The following SMOC1 variants were observed in gnomAD, a reference collection of about 807,000 sequenced individuals.
The protein encoded by SMOC1 is SPARC related modular calcium binding 1, also known as SPARC-related modular calcium-binding protein 1.
In SMOC1, 22 loss-of-function variants were observed where a neutral mutation model predicts 56.3. That is an observed-to-expected ratio of 0.39 (90% CI 0.28 to 0.56). The LOEUF is 0.56. Among genes scored for constraint, SMOC1 ranks in the 20% least tolerant of loss-of-function variants. The pLI is 0.61. For synonymous variants in SMOC1, 193 were observed against 215.0 expected (o/e 0.90, Z 0.89); for missense variants, 509 against 565.4 (o/e 0.90, Z 1.01).
intron 1 of SMOC1, among the ~76,000 whole-genome samples, chr14:69,883,898 T>TTTTC (rs1341587642): frequency 1.1e-4 from 12 of 112,838 alleles, no homozygotes; most frequent in African/African-American, 1.3e-4. Context: ...CATTTTTTTT[T>TTTTC]TTTTTTTTTT....
At chr14:69,951,629 T>C (rs1882998150) in intron 1 of SMOC1, among the ~76,000 whole-genome samples, 1 of 152,198 alleles carries the variant, frequency 6.6e-6, no homozygotes, top group East Asian at 1.9e-4. Context: ...TTTCCCGAGA[T>C]GGAATTTGGA....
At chr14:70,028,568 A>G (rs900261123) in intron 11 of SMOC1, among the ~76,000 whole-genome samples, 12 of 152,254 alleles carry the variant, frequency 7.9e-5, no homozygotes, top group African/African-American at 2.9e-4. Context: ...ATAAGCCTCC[A>G]TGAAAAAGAG....
chr14:69,907,614 C>T (rs886869619), intron 1 of SMOC1, among the ~76,000 whole-genome samples: 3 of 152,034 alleles, frequency 2.0e-5, no homozygotes, highest in East Asian at 3.9e-4. Context: ...TCTCATTAGC[C>T]GACATTCGGT....
chr14:69,924,133 T>A (rs1278995570), intron 1 of SMOC1, among the ~76,000 whole-genome samples: 1 of 152,210 alleles, frequency 6.6e-6, no homozygotes, highest in African/African-American at 2.4e-5. Flanking sequence ...TCCCACAGAC[T>A]TTCCTGTCTC....
At chr14:69,912,080 A>G (rs1594798034) in intron 1 of SMOC1, among the ~76,000 whole-genome samples, 1 of 152,160 alleles carries the variant, frequency 6.6e-6, no homozygotes, top group African/African-American at 2.4e-5. Flanking sequence ...GTGGTATCTC[A>G]TTATGATTTT....
intron 1 of SMOC1, among the ~76,000 whole-genome samples, chr14:69,947,301 C>G (rs7150074): frequency 0.084 from 12,771 of 152,144 alleles, 1,878 homozygotes; most frequent in African/African-American, 0.29. Context: ...TCCCAAGTAA[C>G]TAGGGCCATG....
At chr14:69,920,143 A>T (rs767445094) in intron 1 of SMOC1, among the ~76,000 whole-genome samples, 7 of 152,164 alleles carry the variant, frequency 4.6e-5, no homozygotes, top group Non-Finnish European at 1.5e-5. Flanking sequence ...GAAGGACAGC[A>T]TGTGCCCCTG....
intron 3 of SMOC1, among the ~76,000 whole-genome samples, chr14:69,968,943 T>C (rs984138917): frequency 6.6e-6 from 1 of 152,192 alleles, no homozygotes; most frequent in Non-Finnish European, 1.5e-5. Flanking sequence ...GTGCCTTCCA[T>C]GGGATCCCAG....
At chr14:69,974,099 A>G (rs1441197737) in intron 3 of SMOC1, among the ~76,000 whole-genome samples, 1 of 152,228 alleles carries the variant, frequency 6.6e-6, no homozygotes, top group Non-Finnish European at 1.5e-5. Flanking sequence ...CAACCCATCA[A>G]TCACCTACAA....
chr14:69,981,559 G>A (rs1469231328), intron 5 of SMOC1, among the ~76,000 whole-genome samples: 2 of 152,248 alleles, frequency 1.3e-5, no homozygotes, highest in East Asian at 1.9e-4. Flanking sequence ...CGGTGCACAT[G>A]TGCATTCACA....
chr14:69,903,786 G>C (rs1884331289), intron 1 of SMOC1, among the ~76,000 whole-genome samples: 1 of 151,892 alleles, frequency 6.6e-6, no homozygotes, highest in Admixed American at 6.6e-5. Context: ...AGGGTCCTCT[G>C]CCTAGGAAAA....
At chr14:69,905,375 T>C (rs1327865590) in intron 1 of SMOC1, among the ~76,000 whole-genome samples, 1 of 151,854 alleles carries the variant, frequency 6.6e-6, no homozygotes, top group Non-Finnish European at 1.5e-5. Flanking sequence ...GTGATGTAGG[T>C]TGATTGTGAG....
intron 1 of SMOC1, among the ~76,000 whole-genome samples, chr14:69,910,247 A>T (rs1003225830): frequency 4.6e-5 from 7 of 152,226 alleles, no homozygotes; most frequent in African/African-American, 1.7e-4. Context: ...GAGCAAACCG[A>T]GGTGCAGAGA....
Position 70,030,408 on chromosome 14 carries a change from C to T in SMOC1, c.*150C>T, listed in dbSNP as rs574982474. 1.4e-5 allele frequency: 13 copies of T among 954,474 alleles called. No homozygotes were observed. The South Asian group carries it at 1.5e-4, about 11-fold the overall frequency. 59.1% of individuals were successfully genotyped at this position (954,474 alleles called of 1,614,324 possible). On this transcript the variant is annotated 3_prime_UTR_variant, in exon 12 of 12. Transcript: ENST00000361956. ...TTGCACTTTTAATAACTCTTACTTGCGTGTTTTGTTTTTGGTTTCATTTTA... is the reference window on the plus strand; with the variant it reads ...TTGCACTTTTAATAACTCTTACTTGTGTGTTTTGTTTTTGGTTTCATTTTA...
chr14:70,008,555 C>T (rs371677352), intron 7 of SMOC1, among the ~76,000 whole-genome samples: 1 of 152,312 alleles, frequency 6.6e-6, no homozygotes, highest in East Asian at 1.9e-4. Flanking sequence ...GTCTGTGCCT[C>T]TTCTTAGATG....
intron 3 of SMOC1, among the ~76,000 whole-genome samples, chr14:69,970,146 G>A (rs532932342): frequency 1.8e-4 from 28 of 152,198 alleles, no homozygotes; most frequent in African/African-American, 6.3e-4. Flanking sequence ...TCCAGAAAAG[G>A]CCTCTCATTG....
chr14:69,932,183 C>T (rs1015003767), intron 1 of SMOC1, among the ~76,000 whole-genome samples: 1 of 152,234 alleles, frequency 6.6e-6, no homozygotes, highest in Non-Finnish European at 1.5e-5. Flanking sequence ...TCGCAAAACA[C>T]GAGTCCACCA....
intron 2 of SMOC1, among the ~76,000 whole-genome samples, chr14:69,953,077 A>T (rs1883061192): frequency 6.6e-6 from 1 of 152,252 alleles, no homozygotes; most frequent in Admixed American, 6.5e-5. Context: ...CTTGAACCAT[A>T]AGACATGGTT....
At chr14:69,958,791 C>G (rs186426802) in intron 3 of SMOC1, among the ~76,000 whole-genome samples, 55 of 152,160 alleles carry the variant, frequency 3.6e-4, no homozygotes, top group Non-Finnish European at 6.3e-4. Flanking sequence ...TGGAAACAAC[C>G]TAAATATCCA....
Sources: gnomAD v4.1 joint callset for allele counts (sites outside exome capture counted in the v4.1 genomes callset) on GRCh38, gnomAD v4.1.1 for gene constraint, MANE v1.5 for transcripts, NCBI Gene and HGNC (gene_info 2026-07-23, HGNC 2026-07-21) for gene names.